Variants in DGKI observed in about 807,000 individuals in gnomAD.
DGKI encodes the protein DAG kinase iota.
DGKI carries 55 observed loss-of-function variants against 147.5 expected under a neutral mutation model. The observed-to-expected ratio is 0.37, with a 90% confidence interval of 0.30 to 0.47. The LOEUF is 0.47. DGKI is among the 20% of genes least tolerant of loss of function. The pLI, the probability that DGKI is intolerant of heterozygous loss-of-function variation, is 1.00. For missense variants in DGKI, 1,007 were observed against 1,323.8 expected, an observed-to-expected ratio of 0.76 and a Z score of 3.71; for synonymous variants, 469 against 477.1, an observed-to-expected ratio of 0.98 and a Z score of 0.22.
At chr7:137,524,400 T>C (rs946973749) in intron 20 of DGKI, among the ~76,000 whole-genome samples, 4 of 152,142 alleles carry the variant, frequency 2.6e-5, no homozygotes, top group South Asian at 4.1e-4. Context: ...GGAATTAATA[T>C]AGTTATTTTA....
intron 24 of DGKI, among the ~76,000 whole-genome samples, chr7:137,469,000 G>C (rs1345415166): frequency 2.0e-5 from 3 of 152,136 alleles, no homozygotes; most frequent in Non-Finnish European, 4.4e-5. Flanking sequence ...ATCTAGGAGA[G>C]AGATACTTGA....
At chr7:137,801,238 G>A (rs1389802003) in intron 1 of DGKI, among the ~76,000 whole-genome samples, 1 of 152,302 alleles carries the variant, frequency 6.6e-6, no homozygotes, top group South Asian at 2.1e-4. Flanking sequence ...ACCAGCTGAT[G>A]CTAAGAGGCT....
intron 3 of DGKI, among the ~76,000 whole-genome samples, chr7:137,662,447 G>T (rs546190047): frequency 1.4e-3 from 210 of 152,188 alleles, no homozygotes; most frequent in Non-Finnish European, 2.3e-3. Flanking sequence ...GTTTCACTGT[G>T]TTAGCCGGGA....
intron 32 of DGKI, among the ~76,000 whole-genome samples, chr7:137,394,655 C>G (rs1180729614): frequency 6.6e-6 from 1 of 152,194 alleles, no homozygotes; most frequent in Non-Finnish European, 1.5e-5. Context: ...GCATACATGT[C>G]ACAGTACAAT....
intron 20 of DGKI, among the ~76,000 whole-genome samples, chr7:137,541,298 G>A (rs1817695812): frequency 6.6e-6 from 1 of 152,082 alleles, no homozygotes; most frequent in Non-Finnish European, 1.5e-5. Context: ...CATTTCTGTG[G>A]GTTCTACATC....
chr7:137,484,640 G>A (rs954180490), intron 23 of DGKI, among the ~76,000 whole-genome samples: 2 of 152,018 alleles, frequency 1.3e-5, no homozygotes, highest in African/African-American at 4.8e-5. Flanking sequence ...TGCATAAGAG[G>A]ATGGCTGAAG....
intron 26 of DGKI, among the ~76,000 whole-genome samples, chr7:137,464,269 A>AG (rs1384756206): frequency 7.1e-6 from 1 of 141,742 alleles, no homozygotes; most frequent in Non-Finnish European, 1.5e-5. Flanking sequence ...AAAAAAAAAA[A>AG]AAAAAAAAAG....
chr7:137,463,048 C>T lies in DGKI; in HGVS notation c.2735+441G>A, dbSNP rs137992375. Among the ~76,000 whole-genome samples, 969 of 152,236 alleles carry T rather than the reference C, an allele frequency of 6.4e-3. 14 individuals are homozygous for T. Among genetic ancestry groups the T allele is most frequent in the African/African-American group, 0.023 (936 of 41,526 alleles). ...CAAACCCACGTGGCAATATTGGGTA[C>T]AGCACACATGCACAGGCTCAGGACT... On this transcript the variant is annotated intron_variant, in intron 27 of 32. Coordinates refer to ENST00000614521, the MANE Select transcript of DGKI (RefSeq NM_001321708.2).
intron 21 of DGKI, among the ~76,000 whole-genome samples, chr7:137,518,785 G>A (rs937645969): frequency 6.6e-6 from 1 of 152,016 alleles, no homozygotes; most frequent in Non-Finnish European, 1.5e-5. Flanking sequence ...ATGTGTCAGT[G>A]AATCTCTTCT....
At chr7:137,392,707 T>C (rs1439240495) in intron 32 of DGKI, among the ~76,000 whole-genome samples, 1 of 152,234 alleles carries the variant, frequency 6.6e-6, no homozygotes, top group Non-Finnish European at 1.5e-5. Context: ...CCTTAGTAGA[T>C]AATTGTGTCT....
At chr7:137,450,377 T>C (rs1813905212) in intron 27 of DGKI, among the ~76,000 whole-genome samples, 1 of 152,152 alleles carries the variant, frequency 6.6e-6, no homozygotes, top group African/African-American at 2.4e-5. Context: ...CATCATGTTG[T>C]ATACAACACA....
At chr7:137,589,419 C>A (rs1001331211) in intron 12 of DGKI, among the ~76,000 whole-genome samples, 1 of 152,204 alleles carries the variant, frequency 6.6e-6, no homozygotes, top group Non-Finnish European at 1.5e-5. Context: ...AAAGTCTGTC[C>A]ACTTCCCTAA....
intron 22 of DGKI, among the ~76,000 whole-genome samples, chr7:137,486,789 A>G (rs555961839): frequency 3.3e-5 from 5 of 152,234 alleles, no homozygotes; most frequent in Admixed American, 6.5e-5. Flanking sequence ...ATATTTACCT[A>G]TGTATAACAT....
intron 1 of DGKI, among the ~76,000 whole-genome samples, chr7:137,801,261 A>G (rs1161572747): frequency 6.6e-6 from 1 of 152,152 alleles, no homozygotes; most frequent in Admixed American, 6.5e-5. Context: ...AAGGTCAAAT[A>G]TTATACTTTC....
At chr7:137,479,847 T>C (rs1351006396) in intron 23 of DGKI, among the ~76,000 whole-genome samples, 1 of 152,086 alleles carries the variant, frequency 6.6e-6, no homozygotes, top group African/African-American at 2.4e-5. Flanking sequence ...CATCTATCCA[T>C]TTTTTTAACA....
chr7:137,783,124 GA>G (rs1480162983), intron 1 of DGKI, among the ~76,000 whole-genome samples: 1 of 152,136 alleles, frequency 6.6e-6, no homozygotes, highest in Admixed American at 6.5e-5. Context: ...TCCAAACCAA[GA>G]TGAAATCTCT....
chr7:137,472,278 A>AATATAATATGTATATACAT (rs1491278084), intron 23 of DGKI, among the ~76,000 whole-genome samples: 4 of 89,596 alleles, frequency 4.5e-5, no homozygotes, highest in African/African-American at 1.6e-4. Flanking sequence ...ATATACATAT[A>AATATAATATGTATATACAT]ATATTATATG....
At chr7:137,552,635 G>T (rs561429450) in intron 19 of DGKI, 67 bp from the exon 20 acceptor site, 1 of 1,537,020 alleles carries the variant, frequency 6.5e-7, no homozygotes, top group Non-Finnish European at 8.9e-7. Flanking sequence ...GAGGCCAGGC[G>T]CTGTGGCTCA....
At chr7:137,721,722 C>T (rs1794562935) in intron 1 of DGKI, among the ~76,000 whole-genome samples, 1 of 152,186 alleles carries the variant, frequency 6.6e-6, no homozygotes, top group South Asian at 2.1e-4. Context: ...CTCAGCACAG[C>T]CTACCAGGCC....
Sources: allele counts gnomAD v4.1 joint callset (sites outside exome capture counted in the v4.1 genomes callset), GRCh38; gene constraint gnomAD v4.1.1; transcripts MANE v1.5; gene names NCBI Gene and HGNC (gene_info 2026-07-23, HGNC 2026-07-21).